Variants in INPP5A observed in about 807,000 individuals in gnomAD.
INPP5A encodes inositol polyphosphate-5-phosphatase A, also known as 43 kDa inositol polyphosphate 5-phophatase.
INPP5A carries 14 observed loss-of-function variants against 65.2 expected under a neutral mutation model. That is an observed-to-expected ratio of 0.21 (90% CI 0.14 to 0.34). The LOEUF (loss-of-function observed/expected upper bound fraction) is 0.34, where lower values mean the gene tolerates loss of function less well. Among genes scored for constraint, INPP5A ranks in the 10% least tolerant of loss-of-function variants. The pLI, the probability that INPP5A is intolerant of heterozygous loss-of-function variation, is 1.00. For synonymous variants in INPP5A, 207 were observed against 208.3 expected, an observed-to-expected ratio of 0.99 and a Z score of 0.05; for missense variants, 431 against 545.6, an observed-to-expected ratio of 0.79 and a Z score of 2.09.
Position 132,675,224 on chromosome 10 carries a change from C to G in INPP5A, c.307-15168C>G, listed in dbSNP as rs1164529811. On this transcript the variant is annotated intron_variant, in intron 4 of 15. Coordinates refer to ENST00000368594, the MANE Select transcript of INPP5A (RefSeq NM_005539.5). This position sits in a 1 kb window ranked among gnomAD's most constrained non-coding sequence, Gnocchi z 4.2. ...CTGACAGGCCACCTTCCTGTTCCTG[C>G]AGAAATGGTAACCGCAGGGGACGGT... Among the ~76,000 whole-genome samples, 1 of 152,236 alleles carries G rather than the reference C, an allele frequency of 6.6e-6. No individual in the cohort carries two copies. Among genetic ancestry groups the G allele is most frequent in the Non-Finnish European group, 1.5e-5 (1 of 68,042 alleles).
At chr10:132,617,984 A>G (rs939414929) in intron 2 of INPP5A, among the ~76,000 whole-genome samples, 6 of 152,156 alleles carry the variant, frequency 3.9e-5, no homozygotes, top group African/African-American at 1.4e-4. Context: ...GCTTCAGAAT[A>G]TTTTATGATA....
chr10:132,644,825 C>T lies in INPP5A; in HGVS notation c.118-1043C>T, dbSNP rs370321251. ...CATCCTGCTCAAGTGAAATGGGGCTCCCCGACTGCCTCACATGTGTCCCAC... is the reference window on the plus strand; with the variant it reads ...CATCCTGCTCAAGTGAAATGGGGCTTCCCGACTGCCTCACATGTGTCCCAC... On this transcript the variant is annotated intron_variant, in intron 2 of 15. Transcript: ENST00000368594. The surrounding 1 kb of genome is among the most constrained non-coding windows in gnomAD (Gnocchi z 6.5). Among the ~76,000 whole-genome samples the T allele has an allele frequency of 2.0e-5, 3 of 152,196 alleles. No individual in the cohort carries two copies. The highest frequency in any genetic ancestry group is 7.2e-5 in the African/African-American group (3 of 41,438).
At chr10:132,654,852 G>A (rs2072632313) in intron 4 of INPP5A, among the ~76,000 whole-genome samples, 1 of 152,248 alleles carries the variant, frequency 6.6e-6, no homozygotes, top group African/African-American at 2.4e-5. Flanking sequence ...GGGGGGACGC[G>A]GCTGAGGGGC....
chr10:132,578,185 C>T (rs149881774), intron 1 of INPP5A, among the ~76,000 whole-genome samples: 14 of 152,320 alleles, frequency 9.2e-5, no homozygotes, highest in Admixed American at 3.9e-4. Flanking sequence ...GATTTGACAG[C>T]AATAAAAATG....
chr10:132,652,878 A>G (rs1423608137), intron 4 of INPP5A, among the ~76,000 whole-genome samples: 1 of 152,200 alleles, frequency 6.6e-6, no homozygotes, highest in Non-Finnish European at 1.5e-5. Flanking sequence ...AGCGGTCGTG[A>G]ACGTGCGCCC....
chr10:132,726,494 C>T (rs899702739), intron 8 of INPP5A, among the ~76,000 whole-genome samples: 3 of 152,320 alleles, frequency 2.0e-5, no homozygotes, highest in South Asian at 2.1e-4. Context: ...TCGGGGCAGC[C>T]GTGGTTTTCC....
rs1405314334 is a variant in INPP5A, at chr10:132,547,915, T to A, written c.75+9744T>A. ...ACCATGGTGTCTTTTTTAATTTTTT[T>A]TTTTTTAAGATGGACACTCCATCAC... On this transcript the variant is annotated intron_variant, in intron 1 of 15. Coordinates refer to ENST00000368594, the MANE Select transcript of INPP5A (RefSeq NM_005539.5). This position sits in a 1 kb window ranked among gnomAD's most constrained non-coding sequence, Gnocchi z 5.5. Among the ~76,000 whole-genome samples, 1 of 151,854 alleles carries A rather than the reference T, an allele frequency of 6.6e-6. No individual in the cohort carries two copies. Among genetic ancestry groups the A allele is most frequent in the Non-Finnish European group, 1.5e-5 (1 of 67,928 alleles).
At chr10:132,562,836 G>A (rs1033874459) in intron 1 of INPP5A, among the ~76,000 whole-genome samples, 10 of 152,248 alleles carry the variant, frequency 6.6e-5, no homozygotes, top group Admixed American at 2.0e-4. Context: ...GAGGGACAGA[G>A]CCTTGAGCTT....
intron 4 of INPP5A, among the ~76,000 whole-genome samples, chr10:132,654,772 G>T (rs530543070): frequency 6.6e-6 from 1 of 152,386 alleles, no homozygotes; most frequent in South Asian, 2.1e-4. Flanking sequence ...TATTAATAGG[G>T]ATCAGAAAAT....
At chr10:132,683,109 A>T (rs939953386) in intron 4 of INPP5A, among the ~76,000 whole-genome samples, 8 of 150,296 alleles carry the variant, frequency 5.3e-5, no homozygotes, top group Admixed American at 4.0e-4. Flanking sequence ...GTGTTATCCT[A>T]TGTGGAGGGC....
At chr10:132,582,823 C>T (rs888474164) in intron 1 of INPP5A, among the ~76,000 whole-genome samples, 4 of 152,208 alleles carry the variant, frequency 2.6e-5, no homozygotes, top group Non-Finnish European at 4.4e-5. Context: ...TATTCCAGGT[C>T]CACATGCCTC....
intron 4 of INPP5A, among the ~76,000 whole-genome samples, chr10:132,688,533 G>T (rs910973161): frequency 7.2e-5 from 11 of 152,246 alleles, no homozygotes; most frequent in African/African-American, 2.7e-4. Context: ...CCACACTGGG[G>T]CACTCAGAAC....
intron 1 of INPP5A, among the ~76,000 whole-genome samples, chr10:132,570,473 G>T (rs559801478): frequency 1.3e-5 from 2 of 152,280 alleles, no homozygotes; most frequent in South Asian, 2.1e-4. Context: ...CCTGTCTGGG[G>T]AGGGGAGAAA....
chr10:132,607,070 C>T (rs940316603), intron 1 of INPP5A, among the ~76,000 whole-genome samples: 8 of 152,320 alleles, frequency 5.3e-5, no homozygotes, highest in East Asian at 3.9e-4. Flanking sequence ...CAGCCTCGTC[C>T]GCGGTGACCT....
intron 1 of INPP5A, among the ~76,000 whole-genome samples, chr10:132,554,267 C>T (rs963029535): frequency 1.3e-5 from 2 of 152,160 alleles, no homozygotes; most frequent in Non-Finnish European, 2.9e-5. Context: ...CCTGGCTCCA[C>T]GGCTGTGGTC....
At chr10:132,715,549 G>C (rs1024543788) in intron 8 of INPP5A, among the ~76,000 whole-genome samples, 1 of 152,138 alleles carries the variant, frequency 6.6e-6, no homozygotes. Context: ...CCCCAGCCCC[G>C]CTTTGTGGCT....
intron 6 of INPP5A, among the ~76,000 whole-genome samples, chr10:132,701,627 A>G (rs75574315): frequency 0.015 from 2,275 of 152,328 alleles, 33 homozygotes; most frequent in South Asian, 0.039. Flanking sequence ...TCTGGAGGAC[A>G]GTGTTGGGTG....
chr10:132,560,874 G>A (rs2071195260), intron 1 of INPP5A, among the ~76,000 whole-genome samples: 1 of 151,468 alleles, frequency 6.6e-6, no homozygotes, highest in African/African-American at 2.4e-5. Flanking sequence ...CTCCCAAAAT[G>A]CTGGGATTAT....
intron 2 of INPP5A, among the ~76,000 whole-genome samples, chr10:132,635,017 C>T (rs2072325587): frequency 6.6e-6 from 1 of 152,262 alleles, no homozygotes; most frequent in Non-Finnish European, 1.5e-5. Context: ...CCTCAGCTGA[C>T]GGAACTTCCT....
Sources: allele counts gnomAD v4.1 joint callset (sites outside exome capture counted in the v4.1 genomes callset), GRCh38; gene constraint gnomAD v4.1.1; non-coding constraint Gnocchi (gnomAD v3.1); transcripts MANE v1.5; gene names NCBI Gene and HGNC (gene_info 2026-07-23, HGNC 2026-07-21).